The following ROBO2 variants were observed in gnomAD, a reference collection of about 807,000 sequenced individuals.
ROBO2 encodes the protein roundabout homolog 2.
ROBO2 carries 53 observed loss-of-function variants against 160.8 expected under a neutral mutation model. The ratio of observed to expected loss-of-function variants is 0.33; its 90% CI spans 0.26 to 0.41. ROBO2 has a LOEUF of 0.41. ROBO2 is among the 10% of genes least tolerant of loss of function. ROBO2 has a pLI of 1.00. For synonymous variants in ROBO2, 664 were observed against 611.7 expected (o/e 1.09, Z -1.26); for missense variants, 1,577 against 1,722.4 (o/e 0.92, Z 1.49).
chr3:76,436,704 T>A (rs1038183532), intron 2 of ROBO2, among the ~76,000 whole-genome samples: 1 of 151,984 alleles, frequency 6.6e-6, no homozygotes, highest in African/African-American at 2.4e-5. Flanking sequence ...AAAAGAAAAT[T>A]AAGAGAAATC....
At chr3:76,142,993 A>C (rs946003037) in intron 2 of ROBO2, among the ~76,000 whole-genome samples, 2 of 151,730 alleles carry the variant, frequency 1.3e-5, no homozygotes. Flanking sequence ...ATAAATTTTC[A>C]CGTCATTTAT....
chr3:76,299,250 C>G (rs1462728811), intron 2 of ROBO2, among the ~76,000 whole-genome samples: 2 of 152,004 alleles, frequency 1.3e-5, no homozygotes, highest in Non-Finnish European at 2.9e-5. Context: ...TGGGAGGGAC[C>G]TGGAAGGCCA....
chr3:76,243,191 C>T (rs1234255835), intron 2 of ROBO2, among the ~76,000 whole-genome samples: 2 of 152,224 alleles, frequency 1.3e-5, no homozygotes, highest in Non-Finnish European at 2.9e-5. Context: ...GGTATCCTCT[C>T]GCGGCCCCTT....
At chr3:77,455,815 C>A (rs1476466343) in intron 2 of ROBO2, among the ~76,000 whole-genome samples, 4 of 151,788 alleles carry the variant, frequency 2.6e-5, no homozygotes, top group Non-Finnish European at 4.4e-5. Context: ...CAAATGCCAT[C>A]ATCCTATATA....
intron 2 of ROBO2, among the ~76,000 whole-genome samples, chr3:76,887,305 TTTA>T (rs1307055465): frequency 6.6e-6 from 1 of 151,368 alleles, no homozygotes; most frequent in African/African-American, 2.4e-5. Context: ...ATCCCCTGAT[TTTA>T]TTGATTCTCT....
intron 2 of ROBO2, among the ~76,000 whole-genome samples, chr3:75,985,832 G>T (rs546988785): frequency 3.3e-5 from 5 of 151,396 alleles, no homozygotes; most frequent in Admixed American, 1.3e-4. Flanking sequence ...ATTTAATTTA[G>T]CATAATGACC....
intron 2 of ROBO2, among the ~76,000 whole-genome samples, chr3:76,028,834 A>AT (rs2066827548): frequency 6.6e-6 from 1 of 151,982 alleles, no homozygotes; most frequent in African/African-American, 2.4e-5. Flanking sequence ...AAATTTTTAC[A>AT]TAAAAAAAGG....
intron 2 of ROBO2, among the ~76,000 whole-genome samples, chr3:76,748,004 A>T (rs1270668625): frequency 6.6e-6 from 1 of 152,044 alleles, no homozygotes; most frequent in Non-Finnish European, 1.5e-5. Flanking sequence ...ATATCATATG[A>T]TAACAGAAGA....
At chr3:77,033,624 A>G (rs983519661) in intron 2 of ROBO2, among the ~76,000 whole-genome samples, 1 of 152,198 alleles carries the variant, frequency 6.6e-6, no homozygotes, top group Non-Finnish European at 1.5e-5. Context: ...TTATCATGCC[A>G]CATAATTTCC....
intron 2 of ROBO2, among the ~76,000 whole-genome samples, chr3:76,313,962 G>T (rs1559749072): frequency 6.6e-6 from 1 of 152,092 alleles, no homozygotes; most frequent in Admixed American, 6.6e-5. Context: ...GGAGTGATAC[G>T]AGCAGCACGT....
chr3:76,541,475 C>T (rs1038588084), intron 2 of ROBO2, among the ~76,000 whole-genome samples: 2 of 152,062 alleles, frequency 1.3e-5, no homozygotes, highest in African/African-American at 4.8e-5. Context: ...GTGTTTATTT[C>T]TTCATTGTTA....
chr3:76,084,513 C>T (rs1462125309), intron 2 of ROBO2, among the ~76,000 whole-genome samples: 2 of 152,106 alleles, frequency 1.3e-5, no homozygotes, highest in African/African-American at 4.8e-5. Context: ...CAAAATTACA[C>T]AGTTAATTGA....
chr3:77,437,999 G>A lies in ROBO2; in HGVS notation c.389-39415G>A, dbSNP rs559715723. Among the ~76,000 whole-genome samples, 236 of 151,878 alleles carry A rather than the reference G, an allele frequency of 1.6e-3. 1 individual carries two copies. Among genetic ancestry groups the A allele is most frequent in the Non-Finnish European group, 2.3e-3 (155 of 67,896 alleles). Reference sequence around the variant, plus strand: ...AGCAATTTAAAACATTTTTAATAACGATAATAACTATAATACCATATACAT... The same window carrying A: ...AGCAATTTAAAACATTTTTAATAACAATAATAACTATAATACCATATACAT... On this transcript the variant is annotated intron_variant, in intron 2 of 25. Transcript: ENST00000461745.
chr3:77,102,304 G>C (rs758401414), intron 2 of ROBO2, among the ~76,000 whole-genome samples: 1 of 151,978 alleles, frequency 6.6e-6, no homozygotes, highest in Non-Finnish European at 1.5e-5. Context: ...TGTGTGTTGC[G>C]TGGGTGGGTG....
rs79676652 is a variant in ROBO2, at chr3:76,139,210, G to A, written c.109+201608G>A. Among the ~76,000 whole-genome samples, 1,053 of 152,106 alleles carry A rather than the reference G, an allele frequency of 6.9e-3. 11 individuals carry two copies. The highest frequency in any genetic ancestry group is 0.024 in the African/African-American group (1,014 of 41,528). On this transcript the variant is annotated intron_variant, in intron 2 of 26. Transcript: ENST00000487694. ...TCCTTTAGATATCATCATTTAGTAT[G>A]ACTTCTTATGCTTGACTGTAATATG...
At chr3:77,565,092 T>C (rs963252761) in exon 12 of ROBO2, 2 of 1,613,614 alleles carry the variant, frequency 1.2e-6, no homozygotes, top group African/African-American at 2.7e-5. Context: ...GTGACCCAAG[T>C]CCCATGTCAG....
chr3:77,482,995 TA>T (rs2084889742), intron 4 of ROBO2, among the ~76,000 whole-genome samples: 1 of 152,140 alleles, frequency 6.6e-6, no homozygotes, highest in Non-Finnish European at 1.5e-5. Context: ...CTACTTTCCC[TA>T]AAGAAATGAT....
At chr3:76,583,700 T>C (rs2085848617) in intron 2 of ROBO2, among the ~76,000 whole-genome samples, 1 of 152,106 alleles carries the variant, frequency 6.6e-6, no homozygotes, top group African/African-American at 2.4e-5. Flanking sequence ...TTTCTCTCAG[T>C]TTCTACCCAG....
chr3:77,356,331 G>A (rs745681721), intron 2 of ROBO2, among the ~76,000 whole-genome samples: 9 of 140,176 alleles, frequency 6.4e-5, no homozygotes, highest in African/African-American at 2.1e-4. Flanking sequence ...GTGTGCATGA[G>A]AGAGAGAGAG....
Sources: gnomAD v4.1 joint callset for allele counts (sites outside exome capture counted in the v4.1 genomes callset) on GRCh38, gnomAD v4.1.1 for gene constraint, MANE v1.5 for transcripts, NCBI Gene and HGNC (gene_info 2026-07-23, HGNC 2026-07-21) for gene names.